Variants in INPP4B observed in about 807,000 individuals in gnomAD.
INPP4B encodes inositol polyphosphate-4-phosphatase type II B.
INPP4B carries 55 observed loss-of-function variants against 122.5 expected under a neutral mutation model. That is an observed-to-expected ratio of 0.45 (90% confidence interval 0.36 to 0.56). The LOEUF (loss-of-function observed/expected upper bound fraction) is 0.56, where lower values mean the gene tolerates loss of function less well. Ranked by LOEUF, INPP4B falls within the 20% of genes least tolerant of loss-of-function variation. INPP4B has a pLI of 0.00. For synonymous variants in INPP4B, 403 were observed against 388.7 expected (o/e 1.04, Z -0.43); for missense variants, 1,000 against 1,097.7 (o/e 0.91, Z 1.26).
rs186337809 is a variant in INPP4B at position 142,515,244 on chromosome 4, G to A, written c.-190-52518C>T. ...TGTGGTCATCTAAGAAGGGCTATTC[G>A]TCAACTTTCACTCAGATGAATTGTT... On this transcript the variant is annotated intron_variant, in intron 2 of 25. Coordinates refer to ENST00000262992, the MANE Select transcript of INPP4B (RefSeq NM_001101669.3). Among the ~76,000 whole-genome samples, 291 of 152,194 alleles carry A rather than the reference G, an allele frequency of 1.9e-3. 1 individual carries two copies. The highest frequency in any genetic ancestry group is 2.8e-3 in the Non-Finnish European group (190 of 68,010).
intron 2 of INPP4B, among the ~76,000 whole-genome samples, chr4:142,622,608 C>T (rs925202143): frequency 5.3e-5 from 8 of 151,848 alleles, no homozygotes; most frequent in Non-Finnish European, 1.5e-5. Flanking sequence ...TGGACCAAAA[C>T]AAGATGACAG....
intron 14 of INPP4B, among the ~76,000 whole-genome samples, chr4:142,200,176 T>C (rs1579265319): frequency 6.6e-6 from 1 of 152,136 alleles, no homozygotes; most frequent in East Asian, 1.9e-4. Context: ...AATGACTCAG[T>C]AATATCTTTT....
intron 2 of INPP4B, among the ~76,000 whole-genome samples, chr4:142,719,243 A>G (rs1313357154): frequency 6.6e-6 from 1 of 152,154 alleles, no homozygotes; most frequent in East Asian, 1.9e-4. Flanking sequence ...GCTAATGTAA[A>G]CCTAACCTTA....
chr4:142,513,029 T>C (rs1346480707), intron 2 of INPP4B, among the ~76,000 whole-genome samples: 1 of 152,218 alleles, frequency 6.6e-6, no homozygotes, highest in Non-Finnish European at 1.5e-5. Context: ...AATCTTAAAA[T>C]GTCATTAAGA....
intron 7 of INPP4B, among the ~76,000 whole-genome samples, chr4:142,342,208 G>A (rs1778921319): frequency 6.6e-6 from 1 of 152,062 alleles, no homozygotes; most frequent in South Asian, 2.1e-4. Context: ...AAAGCACTAG[G>A]AAATTGGTAG....
intron 17 of INPP4B, among the ~76,000 whole-genome samples, chr4:142,154,370 GA>G (rs1816045655): frequency 6.6e-6 from 1 of 152,130 alleles, no homozygotes; most frequent in Non-Finnish European, 1.5e-5. Flanking sequence ...AGAGGCTTCT[GA>G]AGGCCTTCAT....
intron 2 of INPP4B, among the ~76,000 whole-genome samples, chr4:142,724,144 TC>T (rs1269061585): frequency 6.6e-6 from 1 of 152,186 alleles, no homozygotes; most frequent in Non-Finnish European, 1.5e-5. Context: ...GAAAATTCTA[TC>T]CCATGAATGG....
At chr4:142,166,617 G>A (rs1822857032) in intron 16 of INPP4B, among the ~76,000 whole-genome samples, 1 of 151,442 alleles carries the variant, frequency 6.6e-6, no homozygotes, top group South Asian at 2.1e-4. Context: ...TACAGAGTAA[G>A]AGAAAATTTT....
rs574463174 is a variant in INPP4B at position 142,368,326 on chromosome 4, A to G, written c.372+34612T>C. On this transcript the variant is annotated intron_variant, in intron 7 of 25. Transcript: ENST00000262992. ...ATTTTTTTAAAAAAATAGTATCACA[A>G]TGAAAAATTCAGTGTCTCTAAAACC... Among the ~76,000 whole-genome samples, 329 of 152,254 alleles carry G rather than the reference A, an allele frequency of 2.2e-3. 1 individual carries two copies. The highest frequency in any genetic ancestry group is 7.8e-3 in the African/African-American group (325 of 41,566).
intron 15 of INPP4B, among the ~76,000 whole-genome samples, chr4:142,185,459 C>T (rs1832746413): frequency 6.6e-6 from 1 of 151,032 alleles, no homozygotes; most frequent in Admixed American, 6.6e-5. Flanking sequence ...GAATAATATC[C>T]AAACTCAGTA....
intron 23 of INPP4B, among the ~76,000 whole-genome samples, chr4:142,096,773 G>C (rs554582303): frequency 6.6e-6 from 1 of 152,042 alleles, no homozygotes; most frequent in African/African-American, 2.4e-5. Context: ...ATAAAAGTAT[G>C]GTGCTGGAAA....
intron 5 of INPP4B, chr4:142,427,330 C>A (rs1228219744): frequency 2.5e-6 from 1 of 397,248 alleles, no homozygotes; most frequent in Non-Finnish European, 4.4e-6. Context: ...GCATTTCTTG[C>A]CATTTGACAA....
At chr4:142,680,180 G>A (rs1397032369) in intron 2 of INPP4B, among the ~76,000 whole-genome samples, 1 of 151,670 alleles carries the variant, frequency 6.6e-6, no homozygotes, top group East Asian at 1.9e-4. Flanking sequence ...ATTTTAAAAT[G>A]GCATTTTAAC....
chr4:142,054,609 T>C (rs554267161), intron 25 of INPP4B, among the ~76,000 whole-genome samples: 30 of 151,900 alleles, frequency 2.0e-4, no homozygotes, highest in Non-Finnish European at 3.7e-4. Context: ...TCTTGTGAAC[T>C]GACTTAATTG....
At chr4:142,267,593 A>C (rs1292117253) in intron 10 of INPP4B, among the ~76,000 whole-genome samples, 3 of 152,210 alleles carry the variant, frequency 2.0e-5, no homozygotes, top group Non-Finnish European at 2.9e-5. Flanking sequence ...AGACTGAAAA[A>C]TAAGCCCTAA....
At chr4:142,036,667 G>A (rs751176600) in intron 25 of INPP4B, among the ~76,000 whole-genome samples, 1 of 151,752 alleles carries the variant, frequency 6.6e-6, no homozygotes, top group Non-Finnish European at 1.5e-5. Context: ...AAAGGTTTTT[G>A]TTTTTGTTGT....
Position 142,160,376 on chromosome 4 carries a change from G to A in INPP4B, c.1545C>T (p.Asp515=). Residue 515 remains aspartate, a synonymous_variant, in exon 17 of 26, where the codon GAC becomes GAT. Coordinates refer to ENST00000262992, the MANE Select transcript of INPP4B (RefSeq NM_001101669.3). ...RGQDSIPHHS[D]YDEEEWDRVW... is the part of the protein sequence containing the mutation. ...GACTTACCCACTCTTCCTCATCATAGTCTGAATGATGTGGTATGGAGTCCT... is the reference window on the plus strand; with the variant it reads ...GACTTACCCACTCTTCCTCATCATAATCTGAATGATGTGGTATGGAGTCCT... 6.4e-7 allele frequency: 1 copy of A among 1,551,038 alleles called. No homozygotes were observed. Among genetic ancestry groups the A allele is most frequent in the East Asian group, 2.3e-5 (1 of 43,954 alleles).
chr4:142,745,678 C>T (rs932969650), intron 1 of INPP4B, among the ~76,000 whole-genome samples: 2 of 151,026 alleles, frequency 1.3e-5, no homozygotes, highest in Non-Finnish European at 3.0e-5. Flanking sequence ...AGAGTGCCTA[C>T]AAAAAAGTCG....
At chr4:142,168,140 A>G (rs1393053572) in intron 16 of INPP4B, among the ~76,000 whole-genome samples, 1 of 151,302 alleles carries the variant, frequency 6.6e-6, no homozygotes, top group East Asian at 1.9e-4. Flanking sequence ...TTTTTCAGCA[A>G]CTTGATTATG....
Sources: gnomAD v4.1 joint callset for allele counts (sites outside exome capture counted in the v4.1 genomes callset) on GRCh38, gnomAD v4.1.1 for gene constraint, MANE v1.5 for transcripts, NCBI Gene and HGNC (gene_info 2026-07-23, HGNC 2026-07-21) for gene names.